Variants in BCAS3 observed in about 807,000 individuals in gnomAD.
BCAS3 encodes BCAS3 microtubule associated cell migration factor.
BCAS3 carries 53 observed loss-of-function variants against 116.1 expected under a neutral mutation model. The ratio of observed to expected loss-of-function variants is 0.46; its 90% CI spans 0.37 to 0.57. The LOEUF is 0.57. BCAS3 is among the 20% of genes least tolerant of loss of function. The pLI is 0.00. For synonymous variants in BCAS3, 391 were observed against 408.2 expected (o/e 0.96, Z 0.51); for missense variants, 917 against 1,165.4 (o/e 0.79, Z 3.10).
chr17:60,923,848 C>T (rs1249465788), intron 12 of BCAS3, among the ~76,000 whole-genome samples: 1 of 152,112 alleles, frequency 6.6e-6, no homozygotes, highest in African/African-American at 2.4e-5. Context: ...ATAGTCATTT[C>T]AAAGAAGTTC....
At chr17:60,787,067 C>T (rs1282036894) in intron 6 of BCAS3, among the ~76,000 whole-genome samples, 1 of 151,992 alleles carries the variant, frequency 6.6e-6, no homozygotes, top group Non-Finnish European at 1.5e-5. Flanking sequence ...TTTCTCACTA[C>T]CCTAATCAGC....
rs1163128426 is a variant in BCAS3, at chr17:61,156,462, G to C, written c.2425+71898G>C. ...GAAATGGAAATACGTGCTTTGTGGAGGATCCTGTTTTCCTTGAGTGTCCTT... is the reference window on the plus strand; with the variant it reads ...GAAATGGAAATACGTGCTTTGTGGACGATCCTGTTTTCCTTGAGTGTCCTT... On this transcript the variant is annotated intron_variant, in intron 22 of 23. Transcript: ENST00000407086. The surrounding 1 kb of genome is among the most constrained non-coding windows in gnomAD (Gnocchi z 4.7). Among the ~76,000 whole-genome samples the C allele has an allele frequency of 1.3e-5, 2 of 152,152 alleles. No homozygotes were observed. The highest frequency in any genetic ancestry group is 3.9e-4 in the East Asian group (2 of 5,190).
Position 61,069,460 on chromosome 17 carries a change from A to G in BCAS3, c.2030-5460A>G, listed in dbSNP as rs76716343. ...TGCACAGATTTTTAAATTCATTTTA[A>G]TTAGGTTTTAAGCTGCTTTTGTTTT... On this transcript the variant is annotated intron_variant, in intron 19 of 23. Transcript: ENST00000407086. 2.7e-3 allele frequency among the ~76,000 whole-genome samples: 411 copies of G among 152,306 alleles called. 1 individual carries two copies. Among genetic ancestry groups the G allele is most frequent in the African/African-American group, 9.3e-3 (388 of 41,568 alleles).
intron 15 of BCAS3, among the ~76,000 whole-genome samples, chr17:61,005,954 C>G (rs112974399): frequency 7.2e-4 from 109 of 152,046 alleles, no homozygotes; most frequent in African/African-American, 2.3e-3. Context: ...CCCTTCCCCC[C>G]ACTCCACCAC....
chr17:61,226,482 A>G lies in BCAS3; in HGVS notation c.2426-141845A>G, dbSNP rs1451888124. On this transcript the variant is annotated intron_variant, in intron 22 of 23. Transcript: ENST00000407086. The surrounding 1 kb of genome is among the most constrained non-coding windows in gnomAD (Gnocchi z 6.0). ...TTGCTTCTTAAAATATATTGAATAC[A>G]CTTTGCTGTAGGACAGGGCCTAGCC... Among the ~76,000 whole-genome samples the G allele has an allele frequency of 6.6e-6, 1 of 152,160 alleles. No homozygotes were observed. Among genetic ancestry groups the G allele is most frequent in the Non-Finnish European group, 1.5e-5 (1 of 68,046 alleles).
In BCAS3 at chr17:61,166,930, C is replaced by A. The variant is rs73326819; in HGVS notation, c.2425+82366C>A. 8.3e-3 allele frequency among the ~76,000 whole-genome samples: 1,261 copies of A among 151,748 alleles called. 13 individuals carry two copies. Among genetic ancestry groups the A allele is most frequent in the African/African-American group, 0.029 (1,207 of 41,352 alleles). ...AGATGGAGTCTCACTACTCACTACT[C>A]CATCTCTACAACAATGTGGAGACCC... is the stretch of plus-strand genomic sequence containing the variant. On this transcript the variant is annotated intron_variant, in intron 22 of 23. Transcript: ENST00000407086.
In BCAS3 at chr17:61,344,336, T is replaced by C. The variant is rs951371537; in HGVS notation, c.2426-23991T>C. Among the ~76,000 whole-genome samples, 3 of 152,214 alleles carry C rather than the reference T, an allele frequency of 2.0e-5. No individual in the cohort carries two copies. The highest frequency in any genetic ancestry group is 4.4e-5 in the Non-Finnish European group (3 of 68,030). On this transcript the variant is annotated intron_variant, in intron 22 of 23. Coordinates refer to ENST00000407086, the MANE Select transcript of BCAS3 (RefSeq NM_017679.5). The surrounding 1 kb of genome is among the most constrained non-coding windows in gnomAD (Gnocchi z 4.1). ...ACATGGGCCTCTTCAACCAAGTCTCTGGGTCTTCTTGTCAAGACTAATTTC... is the reference window on the plus strand; with the variant it reads ...ACATGGGCCTCTTCAACCAAGTCTCCGGGTCTTCTTGTCAAGACTAATTTC...
chr17:61,252,259 T>C (rs933077046), intron 22 of BCAS3, among the ~76,000 whole-genome samples: 1 of 152,186 alleles, frequency 6.6e-6, no homozygotes, highest in Non-Finnish European at 1.5e-5. Context: ...TTAAGAGCGC[T>C]TGTAAAGGAA....
At chr17:61,052,902 G>C (rs1450186980) in intron 19 of BCAS3, among the ~76,000 whole-genome samples, 1 of 151,386 alleles carries the variant, frequency 6.6e-6, no homozygotes, top group East Asian at 1.9e-4. Context: ...ATTTTTAGTA[G>C]GGACAGGGTT....
chr17:60,861,914 A>G (rs2054191039), intron 7 of BCAS3, among the ~76,000 whole-genome samples: 1 of 152,180 alleles, frequency 6.6e-6, no homozygotes, highest in South Asian at 2.1e-4. Context: ...GGAGCTTTGC[A>G]TCTGTGTTCA....
chr17:61,066,560 TA>T (rs2070639937), intron 19 of BCAS3, among the ~76,000 whole-genome samples: 2 of 152,178 alleles, frequency 1.3e-5, no homozygotes, highest in African/African-American at 4.8e-5. Flanking sequence ...CTGAGTATCT[TA>T]AACCATGTCC....
chr17:60,926,813 T>C (rs372330825), intron 13 of BCAS3, among the ~76,000 whole-genome samples: 14 of 152,220 alleles, frequency 9.2e-5, no homozygotes, highest in African/African-American at 3.4e-4. Flanking sequence ...TAAAGAGTGT[T>C]GTAGTCGTCA....
intron 6 of BCAS3, among the ~76,000 whole-genome samples, chr17:60,749,830 A>G (rs1333842894): frequency 6.6e-6 from 1 of 152,198 alleles, no homozygotes; most frequent in Non-Finnish European, 1.5e-5. Context: ...CATCAGGACA[A>G]AGTAAGATTT....
intron 13 of BCAS3, among the ~76,000 whole-genome samples, chr17:60,940,491 T>G (rs1387156528): frequency 6.6e-6 from 1 of 152,214 alleles, no homozygotes; most frequent in African/African-American, 2.4e-5. Context: ...AAAGTTTTAT[T>G]AATCTGACTT....
intron 7 of BCAS3, among the ~76,000 whole-genome samples, chr17:60,840,672 C>G (rs2051820547): frequency 1.3e-5 from 2 of 152,104 alleles, no homozygotes. Flanking sequence ...AACAGATTGT[C>G]AGAAGGTTTC....
intron 7 of BCAS3, among the ~76,000 whole-genome samples, chr17:60,840,289 A>G (rs905676971): frequency 6.6e-6 from 1 of 152,192 alleles, no homozygotes; most frequent in Admixed American, 6.5e-5. Context: ...TCTGTCTACT[A>G]TACCATTTTC....
chr17:60,990,100 G>A lies in BCAS3; in HGVS notation c.1351G>A (p.Val451Ile). 2.5e-6 allele frequency: 4 copies of A among 1,614,158 alleles called. No homozygotes were observed. Among genetic ancestry groups the A allele is most frequent in the Non-Finnish European group, 3.4e-6 (4 of 1,180,038 alleles). The change falls in exon 15 of 24, where the codon GTA becomes ATA. Residue 451 changes from valine (V) to isoleucine (I), a missense_variant. By Grantham distance (29) the Val-to-Ile change is conservative. Transcript: ENST00000407086. This position sits in a 1 kb window ranked among gnomAD's most constrained non-coding sequence, Gnocchi z 5.1. Reference protein sequence around the residue: ...PCVRTHMSPRVVNRMSRFQKS... With the variant: ...PCVRTHMSPRIVNRMSRFQKS... ...TGTTCGTACACATATGTCACCACGA[G>A]TAGTGAATCGCATGAGCCGTTTCCA...
Position 61,078,462 on chromosome 17 carries a change from G to C in BCAS3, c.2260G>C (p.Gly754Arg), listed in dbSNP as rs1297225961. The C allele has an allele frequency of 6.2e-6, 10 of 1,614,044 alleles. No homozygotes were observed. The highest frequency in any genetic ancestry group is 3.3e-5 in the Admixed American group (2 of 60,000). ...SSSSSVLQSH[G>R]PSDTPQPLLD... ...CAGTTCATCTGTGTTGCAGTCTCAT[G>C]GTCCGAGTGACACGCCACAGCCTCT... The change falls in exon 21 of 24, where the codon GGT becomes CGT. Residue 754 changes from glycine to arginine, a missense_variant. By Grantham distance (125) the Gly-to-Arg change is moderately radical. This residue lies in a region of BCAS3 where 807 missense variants were observed against 1,026.0 expected (regional missense o/e 0.79). Coordinates refer to ENST00000407086, the MANE Select transcript of BCAS3 (RefSeq NM_017679.5).
At chr17:60,826,921 C>CTGTTAATA (rs1452024552) in intron 7 of BCAS3, among the ~76,000 whole-genome samples, 1 of 152,158 alleles carries the variant, frequency 6.6e-6, no homozygotes, top group Admixed American at 6.5e-5. Flanking sequence ...TTAACAGGAA[C>CTGTTAATA]TCTGCTTGTA....
Sources: allele counts gnomAD v4.1 joint callset (sites outside exome capture counted in the v4.1 genomes callset), GRCh38; gene constraint gnomAD v4.1.1; regional missense constraint gnomAD v4.1.1; non-coding constraint Gnocchi (gnomAD v3.1); transcripts MANE v1.5; gene names NCBI Gene and HGNC (gene_info 2026-07-23, HGNC 2026-07-21).